UBQLN1: variants seen among roughly 807,000 people sequenced by gnomAD.
UBQLN1 encodes ubiquilin-1.
A neutral mutation model predicts 65.4 loss-of-function variants in UBQLN1; 13 were observed. The observed-to-expected ratio is 0.20, with a 90% CI of 0.13 to 0.32. The LOEUF (loss-of-function observed/expected upper bound fraction) is 0.32. UBQLN1 is among the 10% of genes least tolerant of loss of function. The pLI is 1.00. For missense variants in UBQLN1, 561 were observed against 724.0 expected, an observed-to-expected ratio of 0.77 and a Z score of 2.58; for synonymous variants, 267 against 247.8, an observed-to-expected ratio of 1.08 and a Z score of -0.73.
chr9:83,664,285 G>C (rs531900636), intron 9 of UBQLN1, among the ~76,000 whole-genome samples: 8 of 152,098 alleles, frequency 5.3e-5, no homozygotes, highest in Admixed American at 2.0e-4. Context: ...TGGGTGTGCT[G>C]GTGCACACCT....
chr9:83,683,587 T>C (rs142500648), intron 2 of UBQLN1, among the ~76,000 whole-genome samples: 238 of 152,250 alleles, frequency 1.6e-3, no homozygotes, highest in African/African-American at 5.2e-3. Flanking sequence ...TATGCTGCAA[T>C]TGCCCCTCCT....
intron 2 of UBQLN1, among the ~76,000 whole-genome samples, 156 bp from the exon 3 acceptor site, chr9:83,683,222 C>A (rs912812590): frequency 6.6e-6 from 1 of 151,890 alleles, no homozygotes; most frequent in Admixed American, 6.6e-5. Context: ...AACATCCTGG[C>A]TAACACAGTG....
At chr9:83,677,592 A>T in intron 6 of UBQLN1, 135 bp downstream of exon 6, 2 of 691,268 alleles carry the variant, frequency 2.9e-6, no homozygotes. Context: ...AAACAAAAGC[A>T]ACATGAAAAA....
At chr9:83,673,857 G>A (rs957969739) in intron 6 of UBQLN1, among the ~76,000 whole-genome samples, 2 of 151,904 alleles carry the variant, frequency 1.3e-5, no homozygotes, top group African/African-American at 4.8e-5. Context: ...GCTGGAGTGC[G>A]GTGATGCCAT....
Position 83,692,548 on chromosome 9 carries a change from T to C in UBQLN1, c.181-6393A>G, listed in dbSNP as rs550694558. ...TTCCTCTGCAGAAAAATAAAACTTA[T>C]TACAATTATACAAAATATTTTCGGC... On this transcript the variant is annotated intron_variant, in intron 1 of 10. Coordinates refer to ENST00000376395, the MANE Select transcript of UBQLN1 (RefSeq NM_013438.5). Among the ~76,000 whole-genome samples the C allele has an allele frequency of 3.7e-4, 56 of 152,324 alleles. 1 individual carries two copies. Among genetic ancestry groups the C allele is most frequent in the African/African-American group, 1.2e-3 (50 of 41,572 alleles).
intron 1 of UBQLN1, among the ~76,000 whole-genome samples, chr9:83,699,637 GC>G (rs1264266380): frequency 6.6e-6 from 1 of 152,158 alleles, no homozygotes; most frequent in Non-Finnish European, 1.5e-5. Flanking sequence ...GAACCACTGA[GC>G]CCAGCTCACA....
At chr9:83,698,543 C>T (rs747635590) in intron 1 of UBQLN1, among the ~76,000 whole-genome samples, 4 of 152,082 alleles carry the variant, frequency 2.6e-5, no homozygotes, top group Non-Finnish European at 5.9e-5. Flanking sequence ...GTGGAAGCAA[C>T]CCAAGCGACC....
At chr9:83,689,316 T>A (rs1832089893) in intron 1 of UBQLN1, among the ~76,000 whole-genome samples, 1 of 152,216 alleles carries the variant, frequency 6.6e-6, no homozygotes, top group African/African-American at 2.4e-5. Context: ...TATCCACTCA[T>A]CAGGTGATGA....
At chr9:83,665,989 T>C (rs1831637880) in intron 8 of UBQLN1, among the ~76,000 whole-genome samples, 1 of 152,234 alleles carries the variant, frequency 6.6e-6, no homozygotes, top group Non-Finnish European at 1.5e-5. Context: ...AGGGTAGCTC[T>C]TTCCTGTTAC....
intron 1 of UBQLN1, among the ~76,000 whole-genome samples, chr9:83,695,114 A>T (rs1481148431): frequency 6.6e-6 from 1 of 152,014 alleles, no homozygotes; most frequent in Admixed American, 6.6e-5. Context: ...AAAATTATAT[A>T]TGAACATATA....
intron 1 of UBQLN1, among the ~76,000 whole-genome samples, chr9:83,686,536 T>C (rs1832043029): frequency 6.6e-6 from 1 of 152,226 alleles, no homozygotes; most frequent in Non-Finnish European, 1.5e-5. Context: ...ATATCCTATA[T>C]TCGATCCTCT....
At chr9:83,680,126 T>C (rs1218944547) in intron 3 of UBQLN1, 89 bp from the exon 4 acceptor site, 3 of 1,324,648 alleles carry the variant, frequency 2.3e-6, no homozygotes, top group Non-Finnish European at 3.1e-6. Context: ...AAAAAAGTAT[T>C]AGCTGACCCA....
chr9:83,688,467 T>C (rs1222761861), intron 1 of UBQLN1, among the ~76,000 whole-genome samples: 1 of 152,200 alleles, frequency 6.6e-6, no homozygotes, highest in Non-Finnish European at 1.5e-5. Context: ...TCCAAAATTT[T>C]TGATATCCCT....
At chr9:83,662,267 T>TATACACACACACAC (rs1471415720) in intron 10 of UBQLN1, among the ~76,000 whole-genome samples, 1 of 128,990 alleles carries the variant, frequency 7.8e-6, no homozygotes, top group African/African-American at 2.8e-5. Flanking sequence ...TATATACATA[T>TATACACACACACAC]ACATATACAC....
At position 83,661,371 on chromosome 9, in the gene UBQLN1, A is replaced by G. The variant is rs950487985; in HGVS notation, c.*416T>C. 1 of 164,490 alleles carries G rather than the reference A, an allele frequency of 6.1e-6. No homozygotes were observed. The highest frequency in any genetic ancestry group is 2.4e-5 in the African/African-American group (1 of 41,528). 10.2% of individuals were successfully genotyped at this position (164,490 alleles called of 1,614,324 possible). On this transcript the variant is annotated 3_prime_UTR_variant, in exon 11 of 11. Coordinates refer to ENST00000376395, the MANE Select transcript of UBQLN1 (RefSeq NM_013438.5). Reference sequence around the variant, plus strand: ...CTTACAGCATTGTTTGCAAAAATGCATGCCAAAGTCACAATAAGCAATACT... The same window carrying G: ...CTTACAGCATTGTTTGCAAAAATGCGTGCCAAAGTCACAATAAGCAATACT...
chr9:83,683,797 C>A (rs115425709), intron 2 of UBQLN1, among the ~76,000 whole-genome samples: 1 of 152,020 alleles, frequency 6.6e-6, no homozygotes, highest in Non-Finnish European at 1.5e-5. Context: ...CCGAGGCAGG[C>A]GATCAACTGA....
intron 5 of UBQLN1, 123 bp from the exon 6 acceptor site, chr9:83,678,084 C>T (rs930438275): frequency 1.6e-4 from 114 of 734,708 alleles, no homozygotes; most frequent in Non-Finnish European, 2.1e-4. Flanking sequence ...TGCAGTGGCG[C>T]GATCTCGGCT....
intron 9 of UBQLN1, among the ~76,000 whole-genome samples, chr9:83,664,395 C>G (rs975189241): frequency 9.2e-5 from 14 of 151,958 alleles, no homozygotes; most frequent in Admixed American, 8.5e-4. Flanking sequence ...CTCCAGTCTG[C>G]TCGATGGAGT....
At chr9:83,663,117 AAAGGGGG>A (rs1831588210) in intron 10 of UBQLN1, among the ~76,000 whole-genome samples, 1 of 149,780 alleles carries the variant, frequency 6.7e-6, no homozygotes, top group African/African-American at 2.5e-5. Flanking sequence ...GAAAAAGGGG[AAAGGGGG>A]AAGGGGAAGA....
Sources: allele counts gnomAD v4.1 joint callset (sites outside exome capture counted in the v4.1 genomes callset), GRCh38; gene constraint gnomAD v4.1.1; transcripts MANE v1.5; gene names NCBI Gene and HGNC (gene_info 2026-07-23, HGNC 2026-07-21).